Variants in BAIAP2 observed in about 807,000 individuals in gnomAD.
BAIAP2 encodes BAR/IMD domain-containing adapter protein 2.
In BAIAP2, 18 loss-of-function variants were observed where a neutral mutation model predicts 63.0. The ratio of observed to expected loss-of-function variants is 0.29; its 90% CI spans 0.20 to 0.42. BAIAP2 has a LOEUF of 0.42. BAIAP2 is among the 10% of genes least tolerant of loss of function. The pLI, the probability that BAIAP2 is intolerant of heterozygous loss-of-function variation, is 1.00. For missense variants in BAIAP2, 610 were observed against 734.3 expected, an observed-to-expected ratio of 0.83 and a Z score of 1.96; for synonymous variants, 386 against 307.6, an observed-to-expected ratio of 1.25 and a Z score of -2.67.
chr17:81,049,489 T>A (rs1568072795), intron 1 of BAIAP2, among the ~76,000 whole-genome samples: 1 of 152,216 alleles, frequency 6.6e-6, no homozygotes, highest in Non-Finnish European at 1.5e-5. Context: ...TTGGTGTTGA[T>A]AAGAAACAAG....
intron 12 of BAIAP2, chr17:81,108,233 T>G: frequency 1.7e-6 from 1 of 588,572 alleles, no homozygotes; most frequent in South Asian, 2.0e-5. Flanking sequence ...GCACACAAAT[T>G]GAGGTGGCCG....
At chr17:81,087,613 G>A (rs936953984) in intron 6 of BAIAP2, 1 of 152,246 alleles carries the variant, frequency 6.6e-6, no homozygotes, top group South Asian at 2.1e-4. Context: ...CCAAAGGAGA[G>A]GACGGGACTA....
In BAIAP2 at chr17:81,103,984, T is replaced by A; in HGVS notation, c.942T>A (p.Ala314=). The A allele has an allele frequency of 6.2e-7, 1 of 1,613,128 alleles. No homozygotes were observed. Among genetic ancestry groups the A allele is most frequent in the Non-Finnish European group, 8.5e-7 (1 of 1,180,022 alleles). ...ATGGCGAGGACTACAGCCCGTGGGCTGACCGCAAGGCTGCCCAGCCCAAAT... is the reference window on the plus strand; with the variant it reads ...ATGGCGAGGACTACAGCCCGTGGGCAGACCGCAAGGCTGCCCAGCCCAAAT... ...GPDGEDYSPW[A]DRKAAQPKSL... is the part of the protein sequence containing the mutation. Residue 314 remains alanine, a synonymous_variant, in exon 9 of 14, where the codon GCT becomes GCA. Transcript: ENST00000428708.
intron 10 of BAIAP2, chr17:81,105,057 GGGGTCTCCCCCCAATGGCTC>G (rs1236970643): frequency 4.8e-5 from 11 of 231,046 alleles, no homozygotes; most frequent in African/African-American, 9.3e-5. Flanking sequence ...CCCCATGGCA[GGGGTCTCCCCCCAATGGCTC>G]GGGTCTCCCC....
At chr17:81,047,420 T>C (rs2143824290) in intron 1 of BAIAP2, among the ~76,000 whole-genome samples, 1 of 152,350 alleles carries the variant, frequency 6.6e-6, no homozygotes, top group Middle Eastern at 3.4e-3. Context: ...CGACTCTTTC[T>C]CTGTTTGTTC....
chr17:81,060,981 G>T (rs577644613), intron 3 of BAIAP2, among the ~76,000 whole-genome samples: 1 of 152,114 alleles, frequency 6.6e-6, no homozygotes, highest in Admixed American at 6.5e-5. Context: ...AAAATTAGCC[G>T]GGCGTGGTGG....
chr17:81,116,261 C>A lies in BAIAP2; in HGVS notation c.*422C>A. ...TCTGTCCGCCCAAGGGCCAGAAGGC[C>A]GGGAGCACGGGGATGGGAGCGCCCG... On this transcript the variant is annotated 3_prime_UTR_variant, in exon 14 of 14. Coordinates refer to ENST00000428708, the MANE Select transcript of BAIAP2 (RefSeq NM_001144888.2). 1 of 1,612,840 alleles carries A rather than the reference C, an allele frequency of 6.2e-7. No homozygotes were observed. The highest frequency in any genetic ancestry group is 8.5e-7 in the Non-Finnish European group (1 of 1,179,940).
chr17:81,063,044 G>C (rs1173139152), intron 3 of BAIAP2, among the ~76,000 whole-genome samples: 1 of 152,014 alleles, frequency 6.6e-6, no homozygotes, highest in South Asian at 2.1e-4. Context: ...CCATGATTGA[G>C]AGTGGTGTGC....
At chr17:81,098,815 T>C (rs1382546279) in intron 6 of BAIAP2, among the ~76,000 whole-genome samples, 1 of 152,198 alleles carries the variant, frequency 6.6e-6, no homozygotes, top group African/African-American at 2.4e-5. Flanking sequence ...GCCGAGCGGC[T>C]GACCGCCGGG....
chr17:81,053,913 G>A (rs2049062176), intron 2 of BAIAP2, 170 bp downstream of exon 2: 1 of 438,378 alleles, frequency 2.3e-6, no homozygotes, highest in Non-Finnish European at 4.0e-6. Context: ...GGCCCCGTGG[G>A]GTGGGAGCTG....
intron 13 of BAIAP2, chr17:81,110,782 C>A: frequency 7.6e-7 from 1 of 1,315,832 alleles, no homozygotes; most frequent in Non-Finnish European, 1.1e-6. Context: ...GCCAGAGCCC[C>A]AGCTGTGTGC....
At chr17:81,071,366 G>A (rs527797661) in intron 3 of BAIAP2, among the ~76,000 whole-genome samples, 32 of 152,166 alleles carry the variant, frequency 2.1e-4, no homozygotes, top group African/African-American at 3.6e-4. Flanking sequence ...TGATGAGGGC[G>A]CTCTGTTCGA....
At chr17:81,037,288 T>C (rs1166327075) in intron 1 of BAIAP2, among the ~76,000 whole-genome samples, 2 of 152,236 alleles carry the variant, frequency 1.3e-5, no homozygotes, top group African/African-American at 2.4e-5. Context: ...GGGCCGCAGG[T>C]GTCTGAAGGG....
intron 1 of BAIAP2, among the ~76,000 whole-genome samples, chr17:81,044,512 G>A (rs1371764006): frequency 3.0e-4 from 45 of 152,200 alleles, no homozygotes; most frequent in Admixed American, 2.7e-3. Flanking sequence ...TACTTTTATC[G>A]CCTTCCTAAA....
At chr17:81,097,328 G>T (rs1598763077) in intron 6 of BAIAP2, among the ~76,000 whole-genome samples, 1 of 152,210 alleles carries the variant, frequency 6.6e-6, no homozygotes, top group African/African-American at 2.4e-5. Context: ...GGACAGCATG[G>T]TCTGCTCACA....
chr17:81,085,204 C>T (rs987265617), intron 4 of BAIAP2: 1 of 520,848 alleles, frequency 1.9e-6, no homozygotes, highest in South Asian at 2.1e-5. Context: ...GCAAGGCACA[C>T]TTCCCCTGGC....
chr17:81,103,552 C>T lies in BAIAP2; in HGVS notation c.693C>T (p.Ala231=), dbSNP rs746177192. Residue 231 remains alanine (A), a synonymous_variant, in exon 8 of 14, where the codon GCC becomes GCT. Coordinates refer to ENST00000428708, the MANE Select transcript of BAIAP2 (RefSeq NM_001144888.2). The part of the protein sequence containing the change: ...QKLPLWQQAC[A]DPSKIPERAV... Reference sequence around the variant, plus strand: ...TGCCGCTGTGGCAACAGGCCTGTGCCGACCCCAGCAAGATCCCGGAGCGCG... The same window carrying T: ...TGCCGCTGTGGCAACAGGCCTGTGCTGACCCCAGCAAGATCCCGGAGCGCG... The T allele has an allele frequency of 3.1e-5, 49 of 1,598,124 alleles. No homozygotes were observed. The highest frequency in any genetic ancestry group is 3.7e-5 in the Non-Finnish European group (44 of 1,177,944).
intron 6 of BAIAP2, chr17:81,087,065 G>C (rs754204377): frequency 1.2e-5 from 2 of 165,808 alleles, no homozygotes; most frequent in Non-Finnish European, 2.6e-5. Context: ...AGGCCTGGCC[G>C]ATGACAGGCA....
At chr17:81,050,215 C>A (rs1385456510) in intron 1 of BAIAP2, among the ~76,000 whole-genome samples, 3 of 152,202 alleles carry the variant, frequency 2.0e-5, no homozygotes, top group South Asian at 4.1e-4. Context: ...GAAGGGGAGT[C>A]CCCCCTTACA....
Sources: gnomAD v4.1 joint callset for allele counts (sites outside exome capture counted in the v4.1 genomes callset) on GRCh38, gnomAD v4.1.1 for gene constraint, MANE v1.5 for transcripts, NCBI Gene and HGNC (gene_info 2026-07-23, HGNC 2026-07-21) for gene names.